The following MTUS2 variants were observed in gnomAD, a reference collection of about 807,000 sequenced individuals.
MTUS2 encodes microtubule associated scaffold protein 2, also known as microtubule-associated tumor suppressor candidate 2.
In MTUS2, 40 loss-of-function variants were observed where a neutral mutation model predicts 114.1. The ratio of observed to expected loss-of-function variants is 0.35; its 90% confidence interval spans 0.27 to 0.46. The LOEUF is 0.46. Among genes scored for constraint, MTUS2 ranks in the 20% least tolerant of loss-of-function variants. The pLI is 1.00. For synonymous variants in MTUS2, 688 were observed against 672.0 expected (o/e 1.02, Z -0.37); for missense variants, 1,679 against 1,705.4 (o/e 0.98, Z 0.27).
chr13:29,436,590 A>G (rs918390619), intron 8 of MTUS2, among the ~76,000 whole-genome samples: 2 of 152,016 alleles, frequency 1.3e-5, no homozygotes, highest in African/African-American at 2.4e-5. Context: ...TTGGCAGCCA[A>G]CCCTTCCTTG....
At chr13:29,375,749 C>A (rs1479911036) in intron 8 of MTUS2, among the ~76,000 whole-genome samples, 1 of 149,786 alleles carries the variant, frequency 6.7e-6, no homozygotes, top group African/African-American at 2.5e-5. Context: ...TAATGGAAAC[C>A]AAATACCGTA....
At chr13:29,131,420 G>T (rs1001141806) in intron 5 of MTUS2, among the ~76,000 whole-genome samples, 1 of 152,242 alleles carries the variant, frequency 6.6e-6, no homozygotes, top group Non-Finnish European at 1.5e-5. Flanking sequence ...TGGCTGGAAT[G>T]ATGTTACCCC....
chr13:28,946,070 A>G (rs1197989400), intron 2 of MTUS2, among the ~76,000 whole-genome samples: 2 of 152,194 alleles, frequency 1.3e-5, no homozygotes, highest in Admixed American at 1.3e-4. Context: ...AATCTTTTAA[A>G]CTTCACAGTT....
chr13:29,192,714 TA>T, intron 5 of MTUS2, among the ~76,000 whole-genome samples: 1 of 152,166 alleles, frequency 6.6e-6, no homozygotes, highest in East Asian at 1.9e-4. Flanking sequence ...ATGATTCGCC[TA>T]AAAAAAGAAA....
At chr13:29,371,223 C>A (rs1024722105) in intron 8 of MTUS2, among the ~76,000 whole-genome samples, 8 of 151,268 alleles carry the variant, frequency 5.3e-5, no homozygotes, top group African/African-American at 1.7e-4. Context: ...TAACCACCCC[C>A]CCCCCCTTTT....
chr13:28,861,877 C>T (rs144837903), intron 2 of MTUS2, among the ~76,000 whole-genome samples: 3 of 152,236 alleles, frequency 2.0e-5, no homozygotes, highest in East Asian at 3.9e-4. Flanking sequence ...TTCCCTGACC[C>T]GTCCCTAAAG....
chr13:28,922,250 T>C (rs947903609), intron 2 of MTUS2, among the ~76,000 whole-genome samples: 1 of 152,194 alleles, frequency 6.6e-6, no homozygotes, highest in Non-Finnish European at 1.5e-5. Flanking sequence ...CTATATAGCC[T>C]GTGGAACTGT....
chr13:29,186,388 T>C (rs1275818868), intron 5 of MTUS2, among the ~76,000 whole-genome samples: 1 of 152,146 alleles, frequency 6.6e-6, no homozygotes, highest in Admixed American at 6.5e-5. Context: ...TTAGATCCAA[T>C]GTATACACAA....
chr13:29,280,661 A>G (rs1898232325), intron 5 of MTUS2, among the ~76,000 whole-genome samples: 1 of 152,208 alleles, frequency 6.6e-6, no homozygotes, highest in Non-Finnish European at 1.5e-5. Context: ...AAAATATTGT[A>G]TACTTCTTCC....
At chr13:28,887,755 C>T (rs1291821987) in intron 2 of MTUS2, among the ~76,000 whole-genome samples, 1 of 152,128 alleles carries the variant, frequency 6.6e-6, no homozygotes. Context: ...TGCTTTAGGA[C>T]CTTTTTCTTC....
intron 2 of MTUS2, among the ~76,000 whole-genome samples, chr13:28,902,568 A>T (rs1241873478): frequency 1.2e-4 from 19 of 152,052 alleles, no homozygotes; most frequent in Non-Finnish European, 8.8e-5. Context: ...AAAAAAAAAA[A>T]TTTTAACATT....
intron 9 of MTUS2, among the ~76,000 whole-genome samples, chr13:29,458,637 C>T (rs936882296): frequency 6.6e-5 from 10 of 152,176 alleles, no homozygotes; most frequent in African/African-American, 2.4e-4. Flanking sequence ...CAATCTCTAG[C>T]CCTAATCTCT....
intron 3 of MTUS2, among the ~76,000 whole-genome samples, chr13:29,031,270 G>GTGTGTGTGTGTGTGTGTGTGTGTGGT (rs1555287201): frequency 4.5e-5 from 1 of 22,400 alleles, no homozygotes; most frequent in Non-Finnish European, 1.3e-4. Flanking sequence ...GTGTGTGTGT[G>GTGTGTGTGTGTGTGTGTGTGTGTGGT]GTGTGTGTTC....
chr13:29,147,123 A>G (rs1892468231), intron 5 of MTUS2, among the ~76,000 whole-genome samples: 1 of 152,210 alleles, frequency 6.6e-6, no homozygotes, highest in African/African-American at 2.4e-5. Flanking sequence ...TACTCAGTTC[A>G]TTCTAAGCCA....
intron 8 of MTUS2, among the ~76,000 whole-genome samples, chr13:29,412,156 T>C (rs1875289965): frequency 6.6e-6 from 1 of 152,250 alleles, no homozygotes; most frequent in South Asian, 2.1e-4. Flanking sequence ...GCTTTGTTCC[T>C]GATTTGAATG....
At chr13:29,346,722 T>G (rs1333075036) in intron 7 of MTUS2, among the ~76,000 whole-genome samples, 2 of 144,878 alleles carry the variant, frequency 1.4e-5, no homozygotes, top group Non-Finnish European at 2.9e-5. Flanking sequence ...AAAGTTCAGC[T>G]GGAATTTTCC....
intron 2 of MTUS2, among the ~76,000 whole-genome samples, chr13:28,976,855 C>A (rs529995889): frequency 3.9e-5 from 6 of 152,144 alleles, no homozygotes; most frequent in African/African-American, 1.2e-4. Flanking sequence ...ACAAAATAAT[C>A]TGCATGCTAT....
rs1302623785 is a variant in MTUS2, at chr13:29,049,073, ACCCT to A, written c.2446+14950_2446+14953del. The stretch of plus-strand genomic sequence containing the variant: ...TGACCCGTTAAGAAAAAGAGTGTTG[ACCCT>A]CTCTTTGCATATTGTCAGGTTACTA... On this transcript the variant is annotated intron_variant, in intron 4 of 15. Transcript: ENST00000612955. Among the ~76,000 whole-genome samples the A allele has an allele frequency of 9.2e-5, 14 of 152,186 alleles. No individual in the cohort carries two copies. In the South Asian group the frequency reaches 1.9e-3, roughly 20 times the overall value.
intron 8 of MTUS2, among the ~76,000 whole-genome samples, chr13:29,434,031 G>A (rs74042068): frequency 0.016 from 2,503 of 152,212 alleles, 69 homozygotes; most frequent in African/African-American, 0.056. Flanking sequence ...TGATCCACAC[G>A]GATTTCAGAG....
Sources: allele counts gnomAD v4.1 joint callset (sites outside exome capture counted in the v4.1 genomes callset), GRCh38; gene constraint gnomAD v4.1.1; transcripts MANE v1.5; gene names NCBI Gene and HGNC (gene_info 2026-07-23, HGNC 2026-07-21).